Variants in NAP1L1 observed in about 807,000 individuals in gnomAD.
The protein encoded by NAP1L1 is nucleosome assembly protein 1 like 1.
Under a neutral mutation model 58.9 loss-of-function variants are expected in NAP1L1, and 9 were observed. The observed-to-expected ratio is 0.15, with a 90% CI of 0.09 to 0.27. The LOEUF (loss-of-function observed/expected upper bound fraction) is 0.27, where lower values mean the gene tolerates loss of function less well. Ranked by LOEUF, NAP1L1 falls within the 10% of genes least tolerant of loss-of-function variation. NAP1L1 has a pLI of 1.00. For missense variants in NAP1L1, 302 were observed against 458.8 expected (o/e 0.66, Z 3.12); for synonymous variants, 130 against 138.3 (o/e 0.94, Z 0.42).
At chr12:76,057,587 C>G (rs1220527086) in intron 6 of NAP1L1, 1 of 1,056,090 alleles carries the variant, frequency 9.5e-7, no homozygotes, top group Non-Finnish European at 1.5e-6. Flanking sequence ...AAAGGAGACC[C>G]AAGGAACAGA....
intron 10 of NAP1L1, 36 bp from the exon 11 acceptor site, chr12:76,053,146 A>C (rs1473009211): frequency 4.3e-6 from 7 of 1,612,552 alleles, no homozygotes; most frequent in Non-Finnish European, 5.1e-6. Context: ...AATGAATAAG[A>C]AGCTAAGCAA....
At chr12:76,075,737 T>G (rs1258328521) in intron 1 of NAP1L1, among the ~76,000 whole-genome samples, 1 of 152,244 alleles carries the variant, frequency 6.6e-6, no homozygotes, top group Non-Finnish European at 1.5e-5. Flanking sequence ...GATTCCAGTT[T>G]GTCTACCACA....
chr12:76,067,511 G>A (rs766706151), intron 3 of NAP1L1, 38 bp from the exon 4 acceptor site: 196 of 1,506,222 alleles, frequency 1.3e-4, no homozygotes, highest in Non-Finnish European at 1.8e-4. Context: ...AGGATTTTAT[G>A]AAAATGTATT....
chr12:76,057,073 C>CG lies in NAP1L1; in HGVS notation c.430-913dup, dbSNP rs531514143. On this transcript the variant is annotated intron_variant, in intron 6 of 14. Coordinates refer to ENST00000618691, the MANE Select transcript of NAP1L1 (RefSeq NM_004537.7). ...CCCAACAGTTTGGGAGGCTGAGGTG[C>CG]GAAGATTGCTTGAAGCCAGGAGTCT... The CG allele has an allele frequency of 6.1e-5, 11 of 179,716 alleles. No individual in the cohort carries two copies. The East Asian group carries it at 1.7e-3, about 28-fold the overall frequency. The allele number at this position is 179,716 out of a possible 1,614,324, so 11.1% of individuals were successfully genotyped here.
At chr12:76,083,719 AG>A (rs1366244379) in intron 1 of NAP1L1, 1 of 152,252 alleles carries the variant, frequency 6.6e-6, no homozygotes, top group African/African-American at 2.4e-5. Flanking sequence ...CTAGCAGTGG[AG>A]GCCCTTCCTT....
At chr12:76,078,291 A>C (rs1950274699) in intron 1 of NAP1L1, among the ~76,000 whole-genome samples, 1 of 152,146 alleles carries the variant, frequency 6.6e-6, no homozygotes, top group African/African-American at 2.4e-5. Flanking sequence ...GAATAAATTC[A>C]TTCTCCTGGA....
rs777300316 is a variant in NAP1L1, at chr12:76,074,243, T to C, written c.-20-4A>G. 32 of 1,576,778 alleles carry C rather than the reference T, an allele frequency of 2.0e-5. No individual in the cohort carries two copies. The highest frequency in any genetic ancestry group is 2.5e-5 in the Non-Finnish European group (29 of 1,167,038). On this transcript the variant is annotated splice_region_variant and splice_polypyrimidine_tract_variant and intron_variant, in intron 1 of 14. Transcript: ENST00000618691. Reference sequence around the variant, plus strand: ...ATGTTGTAAGAACTCCAAATATCTATGGAGAGAAACATCAATGTTAAAAAA... The same window carrying C: ...ATGTTGTAAGAACTCCAAATATCTACGGAGAGAAACATCAATGTTAAAAAA...
intron 4 of NAP1L1, among the ~76,000 whole-genome samples, chr12:76,066,274 G>A (rs546868379): frequency 3.3e-5 from 5 of 152,032 alleles, no homozygotes; most frequent in South Asian, 2.1e-4. Flanking sequence ...TATTCAATAC[G>A]AAATGTAGCA....
chr12:76,050,708 T>C (rs149096531), intron 11 of NAP1L1, 55 bp from the exon 12 acceptor site: 2 of 1,566,210 alleles, frequency 1.3e-6, no homozygotes, highest in African/African-American at 1.4e-5. Flanking sequence ...TGTTACTTAA[T>C]TTGGCACATG....
chr12:76,053,078 C>T lies in NAP1L1; in HGVS notation c.936+13G>A. The T allele has an allele frequency of 1.3e-6, 2 of 1,599,724 alleles. No homozygotes were observed. Among genetic ancestry groups the T allele is most frequent in the Admixed American group, 1.7e-5 (1 of 58,904 alleles). ...ACTTAACAATTCAATAAATATATAA[C>T]AATTCAACTTACCAGATCTCCACTC... On this transcript the variant is annotated intron_variant, in intron 11 of 14. Coordinates refer to ENST00000618691, the MANE Select transcript of NAP1L1 (RefSeq NM_004537.7).
chr12:76,069,086 T>C lies in NAP1L1; in HGVS notation c.18-92A>G. The C allele has an allele frequency of 3.4e-6, 3 of 890,552 alleles. No homozygotes were observed. In the South Asian group the frequency reaches 4.7e-5, roughly 14 times the overall value. The allele number at this position is 890,552 out of a possible 1,614,324, so 55.2% of individuals were successfully genotyped here. ...TTAAAATTCATTTTCAAAATTAGTA[T>C]CTCTTTCAAAGACATGAAATAGGAA... is the stretch of plus-strand genomic sequence containing the variant. On this transcript the variant is annotated intron_variant, in intron 2 of 14. Transcript: ENST00000618691.
chr12:76,056,286 T>A, intron 6 of NAP1L1, 125 bp from the exon 7 acceptor site: 1 of 962,872 alleles, frequency 1.0e-6, no homozygotes, highest in Non-Finnish European at 1.5e-6. Flanking sequence ...TCTATCTGTG[T>A]AAACACCGCC....
chr12:76,070,250 A>G (rs1190186494), intron 2 of NAP1L1, among the ~76,000 whole-genome samples: 2 of 152,044 alleles, frequency 1.3e-5, no homozygotes, highest in Non-Finnish European at 2.9e-5. Flanking sequence ...AGCCTCCTGA[A>G]TAGCTGGGAC....
intron 4 of NAP1L1, among the ~76,000 whole-genome samples, chr12:76,064,460 TA>T (rs928689724): frequency 6.6e-6 from 1 of 151,694 alleles, no homozygotes; most frequent in Non-Finnish European, 1.5e-5. Flanking sequence ...ATTAAGGCCA[TA>T]AAAAACACAA....
chr12:76,080,638 C>G (rs777995435), intron 1 of NAP1L1, among the ~76,000 whole-genome samples: 12 of 152,156 alleles, frequency 7.9e-5, no homozygotes, highest in Non-Finnish European at 1.6e-4. Context: ...TAAACAAATT[C>G]TATGCTGGAA....
At chr12:76,074,519 T>TG (rs1684803585) in intron 1 of NAP1L1, 1 of 190,780 alleles carries the variant, frequency 5.2e-6, no homozygotes, top group South Asian at 1.8e-4. Context: ...ATAGCACCAT[T>TG]GGTTAAAAAC....
chr12:76,060,855 A>C (rs1949373720), intron 4 of NAP1L1, among the ~76,000 whole-genome samples: 1 of 152,204 alleles, frequency 6.6e-6, no homozygotes, highest in African/African-American at 2.4e-5. Context: ...CACCTTGGGA[A>C]GCCGAGGCAG....
chr12:76,080,067 A>C (rs1428531657), intron 1 of NAP1L1, among the ~76,000 whole-genome samples: 1 of 152,198 alleles, frequency 6.6e-6, no homozygotes, highest in Non-Finnish European at 1.5e-5. Context: ...GACTGAACTA[A>C]TTGGATACAT....
intron 8 of NAP1L1, among the ~76,000 whole-genome samples, chr12:76,054,374 TTA>T (rs2136979015): frequency 6.6e-6 from 1 of 152,248 alleles, no homozygotes; most frequent in East Asian, 1.9e-4. Context: ...GAGCCCCAAA[TTA>T]TGTTAAAATC....
Sources: gnomAD v4.1 joint callset for allele counts (sites outside exome capture counted in the v4.1 genomes callset) on GRCh38, gnomAD v4.1.1 for gene constraint, MANE v1.5 for transcripts, NCBI Gene and HGNC (gene_info 2026-07-23, HGNC 2026-07-21) for gene names.